Variants in SPMIP6 observed in about 807,000 individuals in gnomAD.
The protein encoded by SPMIP6 is ciliated bronchial epithelial protein 1.
the SPMIP6 span, chr9:34,397,572 G>A: frequency 7.7e-5 from 125 of 1,613,500 alleles, no homozygotes; most frequent in Middle Eastern, 1.6e-4. Flanking sequence ...GGAGGTGGGA[G>A]CCCTGTAGGA....
the SPMIP6 span, chr9:34,380,930 A>G: frequency 6.3e-7 from 1 of 1,597,526 alleles, no homozygotes; most frequent in Non-Finnish European, 8.5e-7. Context: ...CCAAGGCCGC[A>G]GGCGGCGGTC....
chr9:34,395,629 A>G, the SPMIP6 span, among the ~76,000 whole-genome samples: 838 of 152,314 alleles, frequency 5.5e-3, 10 homozygotes, highest in African/African-American at 0.019. Context: ...TCTATAACCC[A>G]GACCTCTTTC....
the SPMIP6 span, among the ~76,000 whole-genome samples, chr9:34,391,512 ATT>A: frequency 6.6e-6 from 1 of 152,200 alleles, no homozygotes; most frequent in Admixed American, 6.5e-5. Flanking sequence ...TTAGACAAGG[ATT>A]TAGGGATATA....
chr9:34,380,644 AC>A, the SPMIP6 span: 1 of 1,527,060 alleles, frequency 6.5e-7, no homozygotes, highest in South Asian at 1.3e-5. Flanking sequence ...GGCCAGGTTG[AC>A]CTTGAGCCCA....
the SPMIP6 span, among the ~76,000 whole-genome samples, chr9:34,393,959 T>A: frequency 6.6e-6 from 1 of 152,130 alleles, no homozygotes; most frequent in African/African-American, 2.4e-5. Flanking sequence ...TAATAATCTC[T>A]TATTGCTTGC....
At chr9:34,384,573 G>C in the SPMIP6 span, among the ~76,000 whole-genome samples, 1 of 152,180 alleles carries the variant, frequency 6.6e-6, no homozygotes, top group Non-Finnish European at 1.5e-5. Context: ...CTGTGGATTT[G>C]GTAATCAGAG....
chr9:34,380,509 G>A, the SPMIP6 span, among the ~76,000 whole-genome samples: 2 of 152,308 alleles, frequency 1.3e-5, no homozygotes, highest in African/African-American at 2.4e-5. Flanking sequence ...GCTAGAACCT[G>A]CGTCTCTAGG....
At chr9:34,392,134 G>A in the SPMIP6 span, among the ~76,000 whole-genome samples, 1 of 152,094 alleles carries the variant, frequency 6.6e-6, no homozygotes, top group Admixed American at 6.6e-5. The surrounding 1 kb of genome is among the most constrained non-coding windows in gnomAD (Gnocchi z 4.6). Context: ...GCACAGTGGT[G>A]TGATCGTGGC....
chr9:34,387,857 C>A, the SPMIP6 span, among the ~76,000 whole-genome samples: 1 of 152,168 alleles, frequency 6.6e-6, no homozygotes, highest in African/African-American at 2.4e-5. Context: ...GTAGGTCTTT[C>A]CTCTTGGCTG....
the SPMIP6 span, chr9:34,397,771 G>T: frequency 1.2e-6 from 1 of 851,990 alleles, no homozygotes; most frequent in Non-Finnish European, 1.8e-6. Flanking sequence ...CTCCTGCAGA[G>T]GATCTCTCAG....
chr9:34,379,240 C>T, the SPMIP6 span: 6 of 1,041,462 alleles, frequency 5.8e-6, no homozygotes, highest in Non-Finnish European at 9.1e-6. This position sits in a 1 kb window ranked among gnomAD's most constrained non-coding sequence, Gnocchi z 4.2. Context: ...GAATATCTGA[C>T]TCCAGTTTGC....
At chr9:34,392,021 T>C in the SPMIP6 span, among the ~76,000 whole-genome samples, 1 of 152,138 alleles carries the variant, frequency 6.6e-6, no homozygotes, top group Non-Finnish European at 1.5e-5. The surrounding 1 kb of genome is among the most constrained non-coding windows in gnomAD (Gnocchi z 4.6). Context: ...TTTAAAACAT[T>C]TTGTAGAGAT....
At chr9:34,382,979 C>T in the SPMIP6 span, 1 of 799,062 alleles carries the variant, frequency 1.3e-6, no homozygotes, top group Non-Finnish European at 2.2e-6. Flanking sequence ...CTGACCCTCA[C>T]AGACTGTCCT....
the SPMIP6 span, among the ~76,000 whole-genome samples, chr9:34,393,326 T>C: frequency 6.6e-6 from 1 of 152,248 alleles, no homozygotes; most frequent in Non-Finnish European, 1.5e-5. Flanking sequence ...ATCAGTTCCT[T>C]ACCATTCCTT....
the SPMIP6 span, chr9:34,381,348 C>T: frequency 4.3e-6 from 7 of 1,613,682 alleles, no homozygotes; most frequent in Non-Finnish European, 5.1e-6. The surrounding 1 kb of genome is among the most constrained non-coding windows in gnomAD (Gnocchi z 4.4). Flanking sequence ...TTCTTTCCAA[C>T]GCCCCACTAC....
the SPMIP6 span, chr9:34,397,464 T>C: frequency 6.2e-7 from 1 of 1,612,788 alleles, no homozygotes; most frequent in East Asian, 2.2e-5. Flanking sequence ...GGCCATACAC[T>C]CTGGCCTGCC....
the SPMIP6 span, chr9:34,381,477 G>C: frequency 5.0e-6 from 8 of 1,613,724 alleles, no homozygotes; most frequent in Non-Finnish European, 6.8e-6. This position sits in a 1 kb window ranked among gnomAD's most constrained non-coding sequence, Gnocchi z 4.4. Flanking sequence ...CTCAAGCTCT[G>C]ACCTGGCAGA....
the SPMIP6 span, chr9:34,380,571 C>A: frequency 8.8e-6 from 12 of 1,359,770 alleles, no homozygotes; most frequent in Non-Finnish European, 1.1e-5. Flanking sequence ...GAAGAGGATG[C>A]GACTGATGTG....
the SPMIP6 span, among the ~76,000 whole-genome samples, chr9:34,394,769 C>A: frequency 6.6e-6 from 1 of 152,188 alleles, no homozygotes; most frequent in Non-Finnish European, 1.5e-5. Context: ...GCTTAAATGC[C>A]TGTTTATAGT....
Sources: allele counts gnomAD v4.1 joint callset (sites outside exome capture counted in the v4.1 genomes callset), GRCh38; gene constraint gnomAD v4.1.1; non-coding constraint Gnocchi (gnomAD v3.1); transcripts MANE v1.5; gene names NCBI Gene and HGNC (gene_info 2026-07-23, HGNC 2026-07-21).